Variants in HSPA4L observed in about 807,000 individuals in gnomAD.
HSPA4L encodes the protein heat shock protein family A (Hsp70) member 4 like, also known as heat shock 70 kDa protein 4L.
In HSPA4L, 48 loss-of-function variants were observed where a neutral mutation model predicts 100.3. The ratio of observed to expected loss-of-function variants is 0.48; its 90% CI spans 0.38 to 0.61. HSPA4L has a LOEUF of 0.61. HSPA4L is among the 20% of genes least tolerant of loss of function. The pLI is 0.00. For synonymous variants in HSPA4L, 319 were observed against 328.2 expected, an observed-to-expected ratio of 0.97 and a Z score of 0.30; for missense variants, 886 against 988.6, an observed-to-expected ratio of 0.90 and a Z score of 1.39.
intron 3 of HSPA4L, among the ~76,000 whole-genome samples, chr4:127,797,953 C>T (rs929200417): frequency 6.6e-6 from 1 of 152,062 alleles, no homozygotes; most frequent in African/African-American, 2.4e-5. Context: ...TTCATTTTCT[C>T]TTATTTCTGT....
rs182396903 is a variant in HSPA4L, at chr4:127,831,907, A to G, written c.2329-776A>G. 2.7e-3 allele frequency among the ~76,000 whole-genome samples: 406 copies of G among 152,158 alleles called. 5 individuals carry two copies. Among genetic ancestry groups the G allele is most frequent in the East Asian group, 7.8e-4 (4 of 5,126 alleles). ...TTTTATAATGAAGTAAGTAATAACA[A>G]TATTTTTATTCTAACAAAGTTTTGC... On this transcript the variant is annotated intron_variant, in intron 18 of 18. Coordinates refer to ENST00000296464, the MANE Select transcript of HSPA4L (RefSeq NM_014278.4).
rs1733967096 is a variant in HSPA4L, at chr4:127,827,094, T to G, written c.2047-211T>G. ...TTGAGAAGCTAAGAAGTAATCTTAA[T>G]GAGTGAGAAAAAGATAAGGTGTGTG... On this transcript the variant is annotated intron_variant, in intron 16 of 18. Coordinates refer to ENST00000296464, the MANE Select transcript of HSPA4L (RefSeq NM_014278.4). 2.6e-5 allele frequency among the ~76,000 whole-genome samples: 4 copies of G among 152,178 alleles called. No homozygotes were observed. The South Asian group carries it at 8.3e-4, about 31-fold the overall frequency.
intron 17 of HSPA4L, among the ~76,000 whole-genome samples, chr4:127,829,470 T>C (rs995627837): frequency 2.0e-5 from 3 of 152,050 alleles, no homozygotes; most frequent in African/African-American, 4.8e-5. Context: ...TGATGGAGGC[T>C]TGAACCCAGA....
intron 4 of HSPA4L, 21 bp downstream of exon 4, chr4:127,798,730 G>C (rs1733092945): frequency 6.2e-7 from 1 of 1,606,722 alleles, no homozygotes; most frequent in Non-Finnish European, 8.5e-7. Context: ...CTTCAGTAAT[G>C]AATACCCTTG....
At chr4:127,797,715 C>A (rs1482005371) in intron 3 of HSPA4L, among the ~76,000 whole-genome samples, 1 of 151,598 alleles carries the variant, frequency 6.6e-6, no homozygotes, top group African/African-American at 2.4e-5. Flanking sequence ...CATTCTCCAG[C>A]CTCAACCTCC....
intron 12 of HSPA4L, among the ~76,000 whole-genome samples, chr4:127,815,176 G>C (rs1578712947): frequency 6.6e-6 from 1 of 151,326 alleles, no homozygotes; most frequent in Non-Finnish European, 1.5e-5. Context: ...AGACTATTTT[G>C]TATGTGTTAT....
rs201276222 is a variant in HSPA4L at position 127,811,523 on chromosome 4, A to C, written c.1465A>C (p.Ile489Leu). The change falls in exon 12 of 19, where the codon ATC becomes CTC. Residue 489 changes from isoleucine (I) to leucine (L), a missense_variant. Transcript: ENST00000296464. ...KVKVRVNIHGIFSVASASVIE... is the reference protein window; with the variant it reads ...KVKVRVNIHGLFSVASASVIE... Reference sequence around the variant, plus strand: ...TAAAGTTCGTGTTAACATCCATGGAATCTTCAGTGTGGCTAGCGCATCAGT... The same window carrying C: ...TAAAGTTCGTGTTAACATCCATGGACTCTTCAGTGTGGCTAGCGCATCAGT... 6.2e-7 allele frequency: 1 copy of C among 1,613,926 alleles called. No individual in the cohort carries two copies. The highest frequency in any genetic ancestry group is 1.3e-5 in the African/African-American group (1 of 74,916).
chr4:127,811,584 A>C lies in HSPA4L; in HGVS notation c.1526A>C (p.Asp509Ala). 3 of 1,614,032 alleles carry C rather than the reference A, an allele frequency of 1.9e-6. No homozygotes were observed. Among genetic ancestry groups the C allele is most frequent in the Non-Finnish European group, 2.5e-6 (3 of 1,179,998 alleles). ...CAAAATTTGGAAGGCGATCACAGTG[A>C]TGCTCCAATGGAGACAGAAACTTCA... The part of the protein sequence containing the change: ...EKQNLEGDHS[D>A]APMETETSFK... The change falls in exon 12 of 19, where the codon GAT (aspartate) becomes GCT (alanine). Residue 509 changes from aspartate (D) to alanine (A), a missense_variant. Asp to Ala is a moderately radical substitution (Grantham distance 126, BLOSUM62 -2). Coordinates refer to ENST00000296464, the MANE Select transcript of HSPA4L (RefSeq NM_014278.4).
At chr4:127,809,870 T>C (rs761855874) in intron 11 of HSPA4L, among the ~76,000 whole-genome samples, 1 of 152,156 alleles carries the variant, frequency 6.6e-6, no homozygotes, top group Non-Finnish European at 1.5e-5. Context: ...AATGAACCAA[T>C]AAGCTTAAAT....
intron 11 of HSPA4L, 76 bp from the exon 12 acceptor site, chr4:127,811,361 G>C: frequency 9.0e-7 from 1 of 1,109,090 alleles, no homozygotes; most frequent in Non-Finnish European, 1.4e-6. Context: ...TCTTAAAGAT[G>C]ATAGCCAAAT....
intron 1 of HSPA4L, among the ~76,000 whole-genome samples, chr4:127,791,175 T>C (rs2148777130): frequency 6.6e-6 from 1 of 152,310 alleles, no homozygotes; most frequent in Non-Finnish European, 1.5e-5. Context: ...TTTTATTTAA[T>C]TCAGTATATC....
intron 15 of HSPA4L, 91 bp downstream of exon 15, chr4:127,822,985 T>C (rs1361789251): frequency 4.1e-6 from 5 of 1,227,304 alleles, no homozygotes; most frequent in East Asian, 5.0e-5. Flanking sequence ...ATGTACCAAA[T>C]GTTGTTATTG....
At chr4:127,804,680 A>G (rs970476615) in intron 8 of HSPA4L, among the ~76,000 whole-genome samples, 1 of 151,710 alleles carries the variant, frequency 6.6e-6, no homozygotes, top group African/African-American at 2.4e-5. Flanking sequence ...GTGTTTATAA[A>G]CTATAGATGA....
chr4:127,783,714 G>A (rs1294866136), intron 1 of HSPA4L: 1 of 1,515,300 alleles, frequency 6.6e-7, no homozygotes, highest in Admixed American at 2.0e-5. Context: ...CGTTCTGAAT[G>A]GTCCAAAATA....
intron 6 of HSPA4L, among the ~76,000 whole-genome samples, chr4:127,803,030 C>T (rs1733236843): frequency 6.6e-6 from 1 of 152,138 alleles, no homozygotes; most frequent in South Asian, 2.1e-4. Flanking sequence ...TGTTGAATTT[C>T]TATGACTCTC....
At chr4:127,785,180 TAG>T (rs1370769624) in intron 1 of HSPA4L, among the ~76,000 whole-genome samples, 4 of 152,194 alleles carry the variant, frequency 2.6e-5, no homozygotes, top group African/African-American at 9.7e-5. Flanking sequence ...TCTGTAAAGT[TAG>T]AGTGTTTATA....
chr4:127,832,556 A>C, intron 18 of HSPA4L, 127 bp from the exon 19 acceptor site: 1 of 785,300 alleles, frequency 1.3e-6, no homozygotes, highest in Non-Finnish European at 2.0e-6. Context: ...ACAGTTGGCT[A>C]TCTAGCTGAG....
At position 127,830,619 on chromosome 4, in the gene HSPA4L, G is replaced by GC; in HGVS notation, c.2167-18dup. ...TGAAAAATCATTAACATGCAGTCAA[G>GC]CTTTTTTTTTTTAAATAGGATGAAA... On this transcript the variant is annotated intron_variant, in intron 17 of 18. Coordinates refer to ENST00000296464, the MANE Select transcript of HSPA4L (RefSeq NM_014278.4). 1 of 1,535,410 alleles carries GC rather than the reference G, an allele frequency of 6.5e-7. No homozygotes were observed. The highest frequency in any genetic ancestry group is 8.8e-7 in the Non-Finnish European group (1 of 1,140,692).
intron 12 of HSPA4L, chr4:127,812,983 C>A (rs1187958844): frequency 1.2e-6 from 1 of 808,330 alleles, no homozygotes; most frequent in Non-Finnish European, 2.1e-6. Context: ...TACAACAATG[C>A]CAACAGCATG....
Sources: gnomAD v4.1 joint callset for allele counts (sites outside exome capture counted in the v4.1 genomes callset) on GRCh38, gnomAD v4.1.1 for gene constraint, MANE v1.5 for transcripts, NCBI Gene and HGNC (gene_info 2026-07-23, HGNC 2026-07-21) for gene names.